The following CTNNA2 variants were observed in gnomAD, a reference collection of about 807,000 sequenced individuals.
CTNNA2 encodes the protein catenin alpha-2.
CTNNA2 carries 42 observed loss-of-function variants against 101.0 expected under a neutral mutation model. That is an observed-to-expected ratio of 0.42 (90% CI 0.32 to 0.54). CTNNA2 has a LOEUF of 0.54. Ranked by LOEUF, CTNNA2 falls within the 20% of genes least tolerant of loss-of-function variation. CTNNA2 has a pLI of 0.14. For synonymous variants in CTNNA2, 450 were observed against 456.4 expected (o/e 0.99, Z 0.18); for missense variants, 871 against 1,223.1 (o/e 0.71, Z 4.29).
At chr2:79,403,144 T>A (rs1016929699) in intron 4 of CTNNA2, among the ~76,000 whole-genome samples, 6 of 151,780 alleles carry the variant, frequency 4.0e-5, no homozygotes, top group African/African-American at 1.4e-4. Flanking sequence ...CATTATTGGA[T>A]CTAAGGATGG....
chr2:79,831,862 GT>G (rs138364664), intron 3 of CTNNA2, among the ~76,000 whole-genome samples: 37,686 of 150,708 alleles, frequency 0.25, 6,019 homozygotes, highest in Non-Finnish European at 0.37. Context: ...CCTCTAAATC[GT>G]TACAAATAAT....
intron 2 of CTNNA2, among the ~76,000 whole-genome samples, chr2:79,662,486 G>A (rs2104534315): frequency 6.6e-6 from 1 of 152,186 alleles, no homozygotes; most frequent in Non-Finnish European, 1.5e-5. Flanking sequence ...GGAAAGATTG[G>A]GGGCGGTTAG....
rs554547786 is a variant in CTNNA2, at chr2:79,739,770, T to C, written c.103-4617T>C. 5.3e-5 allele frequency among the ~76,000 whole-genome samples: 8 copies of C among 152,334 alleles called. No individual in the cohort carries two copies. The East Asian group carries it at 1.2e-3, about 22-fold the overall frequency. ...CTGCAATTCCAGCAATTGGGCCACC[T>C]TGTGGCTCCCACCTTTAGATCAAAA... is the stretch of plus-strand genomic sequence containing the variant. On this transcript the variant is annotated intron_variant, in intron 2 of 18. Transcript: ENST00000402739.
chr2:80,228,677 G>C (rs1038783805), intron 7 of CTNNA2, among the ~76,000 whole-genome samples: 2 of 152,164 alleles, frequency 1.3e-5, no homozygotes, highest in African/African-American at 4.8e-5. Context: ...AGGGGATTCT[G>C]AGGTCACTGT....
At chr2:80,354,139 G>A (rs977680001) in intron 7 of CTNNA2, among the ~76,000 whole-genome samples, 1 of 152,104 alleles carries the variant, frequency 6.6e-6, no homozygotes, top group Admixed American at 6.5e-5. Context: ...TGAGTCCCTT[G>A]CACTTCTTCG....
intron 9 of CTNNA2, among the ~76,000 whole-genome samples, chr2:80,462,814 A>G (rs1206588036): frequency 1.3e-5 from 2 of 151,852 alleles, no homozygotes; most frequent in Non-Finnish European, 2.9e-5. Context: ...TGTCTTCTCT[A>G]TTCGGTTTCT....
chr2:80,008,585 G>A (rs1693546288), intron 7 of CTNNA2, among the ~76,000 whole-genome samples: 1 of 152,188 alleles, frequency 6.6e-6, no homozygotes, highest in South Asian at 2.1e-4. Flanking sequence ...TTCAAGGAAA[G>A]GACAGTGTAG....
intron 7 of CTNNA2, among the ~76,000 whole-genome samples, chr2:80,174,368 C>T (rs1321714651): frequency 6.6e-6 from 1 of 152,132 alleles, no homozygotes; most frequent in African/African-American, 2.4e-5. Flanking sequence ...TGTTATGATA[C>T]CCGCAGCACA....
At chr2:80,086,662 G>A (rs1699454733) in intron 7 of CTNNA2, among the ~76,000 whole-genome samples, 1 of 151,988 alleles carries the variant, frequency 6.6e-6, no homozygotes, top group African/African-American at 2.4e-5. Flanking sequence ...ATTAGCCCTA[G>A]CTAACTTAGG....
chr2:80,488,327 C>G (rs985412070), intron 9 of CTNNA2, among the ~76,000 whole-genome samples: 4 of 150,780 alleles, frequency 2.7e-5, no homozygotes, highest in Non-Finnish European at 5.9e-5. Context: ...GTTTTTTTTC[C>G]CACCTGGCCT....
intron 2 of CTNNA2, among the ~76,000 whole-genome samples, chr2:79,699,211 A>G (rs527248395): frequency 2.2e-4 from 33 of 152,256 alleles, no homozygotes; most frequent in African/African-American, 7.7e-4. Context: ...ATTATAAATC[A>G]AAGTAGGGAA....
chr2:79,409,070 T>A (rs950333258), intron 4 of CTNNA2, among the ~76,000 whole-genome samples: 11 of 152,192 alleles, frequency 7.2e-5, no homozygotes, highest in African/African-American at 2.7e-4. Flanking sequence ...CATTTTTTCA[T>A]GTGTTTTTTG....
At chr2:80,007,228 A>G (rs947875703) in intron 7 of CTNNA2, among the ~76,000 whole-genome samples, 12 of 152,142 alleles carry the variant, frequency 7.9e-5, no homozygotes, top group Non-Finnish European at 1.3e-4. Flanking sequence ...AGATTGAAGG[A>G]TATGATATAC....
intron 3 of CTNNA2, among the ~76,000 whole-genome samples, chr2:79,344,463 G>GA (rs1350976141): frequency 1.3e-5 from 2 of 151,914 alleles, no homozygotes; most frequent in African/African-American, 4.8e-5. Flanking sequence ...ACCCCCTTTG[G>GA]AAAAGTTTCA....
chr2:79,292,685 CA>C (rs998538816), intron 2 of CTNNA2, among the ~76,000 whole-genome samples: 6 of 151,658 alleles, frequency 4.0e-5, no homozygotes, highest in Non-Finnish European at 8.8e-5. Context: ...TGGAAACAAA[CA>C]AAAAAAATAA....
At chr2:79,190,834 G>A (rs2104159661) in intron 1 of CTNNA2, among the ~76,000 whole-genome samples, 1 of 152,272 alleles carries the variant, frequency 6.6e-6, no homozygotes, top group Admixed American at 6.5e-5. Flanking sequence ...ATTTTAATAA[G>A]CCAGGGGGAG....
intron 9 of CTNNA2, among the ~76,000 whole-genome samples, chr2:80,544,284 G>T (rs1265743995): frequency 1.3e-5 from 2 of 151,898 alleles, no homozygotes; most frequent in Non-Finnish European, 2.9e-5. Flanking sequence ...TCAAATTTGG[G>T]CCAGGAACCA....
intron 7 of CTNNA2, among the ~76,000 whole-genome samples, chr2:80,220,985 G>A (rs1002043317): frequency 6.6e-5 from 10 of 152,014 alleles, no homozygotes; most frequent in East Asian, 1.9e-4. Flanking sequence ...GAGTTCAAGC[G>A]ATTCTCCTGC....
chr2:80,648,692 G>C lies in CTNNA2; in HGVS notation c.*820G>C, dbSNP rs1674380131. ...AAACTGACAACGTGTGAAAGTTAGA[G>C]GCAAATACATAGGTGTAGCTTGGAG... is the stretch of plus-strand genomic sequence containing the variant. On this transcript the variant is annotated 3_prime_UTR_variant, in exon 19 of 19. Transcript: ENST00000402739. 1 of 152,012 alleles carries C rather than the reference G, an allele frequency of 6.6e-6. No homozygotes were observed. Among genetic ancestry groups the C allele is most frequent in the East Asian group, 1.9e-4 (1 of 5,174 alleles). The allele number at this position is 152,012 out of a possible 1,614,324, so 9.4% of individuals were successfully genotyped here.
Sources: gnomAD v4.1 joint callset for allele counts (sites outside exome capture counted in the v4.1 genomes callset) on GRCh38, gnomAD v4.1.1 for gene constraint, MANE v1.5 for transcripts, NCBI Gene and HGNC (gene_info 2026-07-23, HGNC 2026-07-21) for gene names.